Variants in TACC2 observed in about 807,000 individuals in gnomAD.
TACC2 encodes the protein transforming acidic coiled-coil containing protein 2.
TACC2 carries 137 observed loss-of-function variants against 227.3 expected under a neutral mutation model. That is an observed-to-expected ratio of 0.60 (90% confidence interval 0.52 to 0.69). The LOEUF (loss-of-function observed/expected upper bound fraction) is 0.69, where lower values mean the gene tolerates loss of function less well. Among genes scored for constraint, TACC2 ranks in the 30% least tolerant of loss-of-function variants. The probability of loss-of-function intolerance (pLI) is 0.00; values close to 1 mark genes in which losing one functional copy is unlikely to be tolerated. For missense variants in TACC2, 3,470 were observed against 3,694.4 expected (o/e 0.94, Z 1.57); for synonymous variants, 1,523 against 1,487.5 (o/e 1.02, Z -0.55).
chr10:122,017,607 A>G (rs1956821274), intron 1 of TACC2, among the ~76,000 whole-genome samples: 1 of 151,940 alleles, frequency 6.6e-6, no homozygotes, highest in Non-Finnish European at 1.5e-5. Context: ...GCTTGAGCCT[A>G]GGAGTTGGAG....
rs559649935 is a variant in TACC2, at chr10:122,226,881, CT to C, written c.7724+403del. ...TATAATCTCGCCCAGTGCACACACA[CT>C]TTATTCCATCATTTGTCTAAAGGGG... On this transcript the variant is annotated intron_variant, in intron 13 of 22. Coordinates refer to ENST00000369005, the MANE Select transcript of TACC2 (RefSeq NM_206862.4). Among the ~76,000 whole-genome samples the C allele has an allele frequency of 9.8e-5, 15 of 152,310 alleles. No individual in the cohort carries two copies. In the East Asian group the frequency reaches 2.1e-3, roughly 22 times the overall value.
At chr10:122,017,703 G>A (rs1267445352) in intron 1 of TACC2, among the ~76,000 whole-genome samples, 1 of 151,572 alleles carries the variant, frequency 6.6e-6, no homozygotes, top group Non-Finnish European at 1.5e-5. Context: ...TGTAGTCCCA[G>A]CTACTAGGGA....
intron 7 of TACC2, among the ~76,000 whole-genome samples, chr10:122,193,213 A>T (rs1447841386): frequency 6.6e-6 from 1 of 152,104 alleles, no homozygotes; most frequent in Non-Finnish European, 1.5e-5. Context: ...GGTTCCCTGG[A>T]GGCTTTGTGG....
chr10:122,161,033 G>C lies in TACC2; in HGVS notation c.5834+17327G>C, dbSNP rs776032952. Among the ~76,000 whole-genome samples, 48 of 152,030 alleles carry C rather than the reference G, an allele frequency of 3.2e-4. 1 individual carries two copies. Among genetic ancestry groups the C allele is most frequent in the Non-Finnish European group, 5.9e-4 (40 of 67,994 alleles). On this transcript the variant is annotated intron_variant, in intron 7 of 22. Transcript: ENST00000369005. ...TCATGGCTCACTGCAGCCTCAACTT[G>C]CTGGACTCAAGCACATCAGCCTCCT... is the stretch of plus-strand genomic sequence containing the variant.
chr10:122,011,071 G>A (rs538676025), intron 1 of TACC2, among the ~76,000 whole-genome samples: 1 of 152,340 alleles, frequency 6.6e-6, no homozygotes, highest in East Asian at 1.9e-4. Context: ...GTAAAGGCCT[G>A]TGGCCCAATC....
At chr10:122,121,757 G>A (rs2085850423) in intron 5 of TACC2, among the ~76,000 whole-genome samples, 2 of 152,172 alleles carry the variant, frequency 1.3e-5, no homozygotes, top group Non-Finnish European at 2.9e-5. Flanking sequence ...ATTGCTGGCT[G>A]TGGGCTAAGA....
intron 2 of TACC2, among the ~76,000 whole-genome samples, chr10:122,034,307 T>C (rs1381958787): frequency 6.6e-6 from 1 of 152,200 alleles, no homozygotes. Flanking sequence ...TGAAGCCTTT[T>C]CATACATGAG....
At chr10:122,169,017 CA>C (rs1201961359) in intron 7 of TACC2, among the ~76,000 whole-genome samples, 2 of 152,198 alleles carry the variant, frequency 1.3e-5, no homozygotes, top group African/African-American at 4.8e-5. Flanking sequence ...TGCTTTGTTT[CA>C]GGTTGGACAG....
At chr10:122,173,695 G>T (rs1274515426) in intron 7 of TACC2, among the ~76,000 whole-genome samples, 1 of 152,262 alleles carries the variant, frequency 6.6e-6, no homozygotes. Context: ...CATGTCTGTG[G>T]AAGGTGGTCC....
At position 122,085,468 on chromosome 10, in the gene TACC2, C is replaced by A; in HGVS notation, c.2968C>A (p.Pro990Thr). 1 of 1,613,708 alleles carries A rather than the reference C, an allele frequency of 6.2e-7. No homozygotes were observed. Among genetic ancestry groups the A allele is most frequent in the Non-Finnish European group, 8.5e-7 (1 of 1,180,026 alleles). ...GGAAACTTGCTGCACTGGGCAGGGG[C>A]CAAACAAGTCTCAACAGGCATTGGC... ...RKETCCTGQG[P>T]NKSQQALADA... Residue 990 changes from proline (P) to threonine (T), a missense_variant, in exon 4 of 23, where the codon CCA becomes ACA. Pro to Thr is a conservative substitution (Grantham distance 38). Coordinates refer to ENST00000369005, the MANE Select transcript of TACC2 (RefSeq NM_206862.4).
chr10:122,119,408 A>C (rs1314703490), intron 5 of TACC2, among the ~76,000 whole-genome samples: 1 of 152,100 alleles, frequency 6.6e-6, no homozygotes, highest in South Asian at 2.1e-4. Flanking sequence ...TGGACCCTCC[A>C]TGTGATTTCT....
chr10:122,217,584 G>A (rs369061522), intron 11 of TACC2, among the ~76,000 whole-genome samples: 5 of 151,396 alleles, frequency 3.3e-5, no homozygotes, highest in East Asian at 2.0e-4. Flanking sequence ...GATTACAGGC[G>A]CGTGCCACCA....
intron 5 of TACC2, among the ~76,000 whole-genome samples, chr10:122,111,514 C>G (rs770480129): frequency 2.6e-5 from 4 of 152,094 alleles, no homozygotes; most frequent in South Asian, 2.1e-4. Context: ...TTGTTTGAGA[C>G]GGAGTCTCGC....
At chr10:122,198,956 G>A (rs1043177119) in intron 8 of TACC2, among the ~76,000 whole-genome samples, 1 of 152,256 alleles carries the variant, frequency 6.6e-6, no homozygotes, top group Admixed American at 6.5e-5. Flanking sequence ...TGATCAGTGG[G>A]GGCGACATGG....
intron 3 of TACC2, among the ~76,000 whole-genome samples, chr10:122,074,807 G>C (rs1263343146): frequency 6.6e-6 from 1 of 152,136 alleles, no homozygotes; most frequent in Admixed American, 6.5e-5. Flanking sequence ...AGATCTACGT[G>C]GTCCCCGAAT....
intron 16 of TACC2, among the ~76,000 whole-genome samples, chr10:122,235,352 T>G (rs1267269463): frequency 2.0e-5 from 3 of 152,172 alleles, no homozygotes; most frequent in African/African-American, 7.2e-5. Flanking sequence ...CCTCCCAAAG[T>G]GTTTGGATTA....
At chr10:122,078,100 C>T (rs919419818) in intron 3 of TACC2, among the ~76,000 whole-genome samples, 1 of 146,166 alleles carries the variant, frequency 6.8e-6, no homozygotes, top group Non-Finnish European at 1.5e-5. Flanking sequence ...GAGACTGAGG[C>T]AGGAGAATTG....
rs1464120212 is a variant in TACC2 at position 122,141,478 on chromosome 10, G to A, written c.5700-2094G>A. Among the ~76,000 whole-genome samples the A allele has an allele frequency of 1.3e-5, 2 of 152,164 alleles. No individual in the cohort carries two copies. The highest frequency in any genetic ancestry group is 2.9e-5 in the Non-Finnish European group (2 of 68,026). ...GAAGGGAGGAGGGAGCAGCCAGGTG[G>A]CCCCTCAGGAACAGGAGCAGCTGTG... On this transcript the variant is annotated intron_variant, in intron 6 of 22. Coordinates refer to ENST00000369005, the MANE Select transcript of TACC2 (RefSeq NM_206862.4). The surrounding 1 kb of genome is among the most constrained non-coding windows in gnomAD (Gnocchi z 4.3).
intron 21 of TACC2, 48 bp from the exon 22 acceptor site, chr10:122,249,496 C>T: frequency 1.9e-6 from 3 of 1,599,760 alleles, no homozygotes; most frequent in Non-Finnish European, 2.6e-6. Flanking sequence ...GGAGGTGTCT[C>T]TAGTGATCCA....
Sources: gnomAD v4.1 joint callset for allele counts (sites outside exome capture counted in the v4.1 genomes callset) on GRCh38, gnomAD v4.1.1 for gene constraint, Gnocchi (gnomAD v3.1) non-coding constraint, MANE v1.5 for transcripts, NCBI Gene and HGNC (gene_info 2026-07-23, HGNC 2026-07-21) for gene names.